Variants in MAST2 observed in about 807,000 individuals in gnomAD.
The protein encoded by MAST2 is microtubule-associated serine/threonine-protein kinase 2.
In MAST2, 70 loss-of-function variants were observed where a neutral mutation model predicts 147.4. That is an observed-to-expected ratio of 0.47 (90% CI 0.39 to 0.58). The LOEUF is 0.58. MAST2 is among the 20% of genes least tolerant of loss of function. The pLI is 0.00. For synonymous variants in MAST2, 869 were observed against 896.8 expected (o/e 0.97, Z 0.55); for missense variants, 2,080 against 2,302.3 (o/e 0.90, Z 1.98).
chr1:46,006,126 C>A, intron 7 of MAST2, 115 bp from the exon 8 acceptor site: 2 of 1,006,920 alleles, frequency 2.0e-6, no homozygotes, highest in Non-Finnish European at 2.9e-6. Flanking sequence ...GGAAAGAAGA[C>A]CTGCTTTGGG....
chr1:45,947,053 A>G (rs1658143690), intron 4 of MAST2, among the ~76,000 whole-genome samples: 1 of 152,200 alleles, frequency 6.6e-6, no homozygotes, highest in East Asian at 1.9e-4. Context: ...AATTCAAGTT[A>G]GATTAGGCCT....
intron 5 of MAST2, among the ~76,000 whole-genome samples, chr1:45,984,716 A>G (rs925619643): frequency 2.6e-5 from 4 of 152,180 alleles, no homozygotes; most frequent in Non-Finnish European, 5.9e-5. Flanking sequence ...GATCAGGCAC[A>G]GTGGCTCCCA....
chr1:45,877,672 T>C (rs139337487), intron 3 of MAST2, among the ~76,000 whole-genome samples: 20 of 152,304 alleles, frequency 1.3e-4, no homozygotes, highest in African/African-American at 4.3e-4. Flanking sequence ...CTAGATACTT[T>C]TATTAGTGAA....
chr1:46,016,906 G>A (rs1340227240), intron 10 of MAST2, among the ~76,000 whole-genome samples: 29 of 152,074 alleles, frequency 1.9e-4, no homozygotes, highest in Non-Finnish European at 2.2e-4. Flanking sequence ...GAGGCATCAT[G>A]CTACCTGACT....
intron 1 of MAST2, among the ~76,000 whole-genome samples, chr1:45,824,166 A>T (rs1475418381): frequency 1.3e-5 from 2 of 152,212 alleles, no homozygotes; most frequent in African/African-American, 2.4e-5. Flanking sequence ...ACTCATTATG[A>T]ATACTATATC....
chr1:45,812,513 C>T (rs541515091), intron 1 of MAST2, among the ~76,000 whole-genome samples: 31 of 151,662 alleles, frequency 2.0e-4, no homozygotes, highest in African/African-American at 7.5e-4. Flanking sequence ...CTGCAACCTC[C>T]GCCTCCCAGG....
At chr1:45,832,003 C>T (rs965863748) in intron 3 of MAST2, among the ~76,000 whole-genome samples, 4 of 152,052 alleles carry the variant, frequency 2.6e-5, no homozygotes, top group East Asian at 1.9e-4. Flanking sequence ...TGATCTCGAA[C>T]TCCTGACCTC....
At chr1:45,940,866 G>A (rs1293906181) in intron 4 of MAST2, among the ~76,000 whole-genome samples, 7 of 152,082 alleles carry the variant, frequency 4.6e-5, no homozygotes, top group Non-Finnish European at 8.8e-5. Flanking sequence ...TGATCCGCCC[G>A]CCTCAGCCTC....
intron 5 of MAST2, among the ~76,000 whole-genome samples, chr1:45,978,303 C>CA (rs1644256552): frequency 6.6e-6 from 1 of 152,128 alleles, no homozygotes; most frequent in South Asian, 2.1e-4. Flanking sequence ...CACTTGAGGC[C>CA]AGAAGTTCAA....
intron 3 of MAST2, among the ~76,000 whole-genome samples, chr1:45,861,353 C>T (rs866353833): frequency 5.9e-5 from 9 of 152,106 alleles, no homozygotes; most frequent in Admixed American, 2.0e-4. Context: ...GTCCTTAACG[C>T]TGCTTACCAA....
chr1:45,933,462 G>C (rs372444799), intron 4 of MAST2, among the ~76,000 whole-genome samples: 1 of 151,632 alleles, frequency 6.6e-6, no homozygotes, highest in Non-Finnish European at 1.5e-5. Context: ...AACTCTGGCC[G>C]GGCACGGTGG....
chr1:45,851,763 C>T (rs1416133661), intron 3 of MAST2, among the ~76,000 whole-genome samples: 1 of 151,670 alleles, frequency 6.6e-6, no homozygotes, highest in Non-Finnish European at 1.5e-5. Flanking sequence ...AATTTTCAGC[C>T]CTACTTGAAA....
intron 5 of MAST2, among the ~76,000 whole-genome samples, chr1:45,968,410 ATTTC>A (rs1643718313): frequency 1.4e-5 from 2 of 142,524 alleles, no homozygotes; most frequent in Admixed American, 1.5e-4. Context: ...GAAAATCTTT[ATTTC>A]TTCTTCACCT....
At chr1:45,959,616 G>T in intron 5 of MAST2, 139 bp downstream of exon 5, 1 of 684,202 alleles carries the variant, frequency 1.5e-6, no homozygotes, top group Non-Finnish European at 2.5e-6. Flanking sequence ...AGAGCTCATG[G>T]GCTTGCTTTC....
rs894468741 is a variant in MAST2 at position 45,881,914 on chromosome 1, C to T, written c.469-450C>T. Among the ~76,000 whole-genome samples, 15 of 149,288 alleles carry T rather than the reference C, an allele frequency of 1.0e-4. No individual in the cohort carries two copies. In the East Asian group the frequency reaches 3.0e-3, roughly 30 times the overall value. ...GAGACAGGCTGGGCATGGTGGCTCA[C>T]ACCTGTAATCCCAGTACTTTGGGAG... On this transcript the variant is annotated intron_variant, in intron 3 of 28. Transcript: ENST00000361297.
chr1:45,997,537 T>C (rs1247446853), intron 5 of MAST2, among the ~76,000 whole-genome samples, 187 bp from the exon 6 acceptor site: 1 of 152,144 alleles, frequency 6.6e-6, no homozygotes, highest in Non-Finnish European at 1.5e-5. Flanking sequence ...TACAGCAAAC[T>C]TGGGAACAAG....
chr1:45,867,515 G>A lies in MAST2; in HGVS notation c.469-14849G>A, dbSNP rs549653617. Among the ~76,000 whole-genome samples, 42 of 152,270 alleles carry A rather than the reference G, an allele frequency of 2.8e-4. No homozygotes were observed. The South Asian group carries it at 8.7e-3, about 32-fold the overall frequency. ...CAAATTACAGTTCTGCCATGTTCTAGTCATATAACCACAGCCAAATTTCAT... is the reference window on the plus strand; with the variant it reads ...CAAATTACAGTTCTGCCATGTTCTAATCATATAACCACAGCCAAATTTCAT... On this transcript the variant is annotated intron_variant, in intron 3 of 28. Coordinates refer to ENST00000361297, the MANE Select transcript of MAST2 (RefSeq NM_015112.3).
At chr1:46,000,616 G>T (rs1645236294) in intron 6 of MAST2, among the ~76,000 whole-genome samples, 1 of 152,140 alleles carries the variant, frequency 6.6e-6, no homozygotes, top group African/African-American at 2.4e-5. Flanking sequence ...CATGGAACAT[G>T]GATCTCTGGG....
chr1:45,834,673 C>T (rs1645051621), intron 3 of MAST2, among the ~76,000 whole-genome samples: 2 of 152,030 alleles, frequency 1.3e-5, no homozygotes, highest in South Asian at 2.1e-4. Flanking sequence ...GAGAAAGACC[C>T]CTGCATTAGA....
Sources: allele counts gnomAD v4.1 joint callset (sites outside exome capture counted in the v4.1 genomes callset), GRCh38; gene constraint gnomAD v4.1.1; transcripts MANE v1.5; gene names NCBI Gene and HGNC (gene_info 2026-07-23, HGNC 2026-07-21).